MAP2K5: variants seen among roughly 807,000 people sequenced by gnomAD.
MAP2K5 encodes the protein dual specificity mitogen-activated protein kinase kinase 5.
MAP2K5 carries 49 observed loss-of-function variants against 83.1 expected under a neutral mutation model. That is an observed-to-expected ratio of 0.59 (90% CI 0.47 to 0.75). The LOEUF is 0.75. Ranked by LOEUF, MAP2K5 falls within the 30% of genes least tolerant of loss-of-function variation. MAP2K5 has a pLI of 0.00. For synonymous variants in MAP2K5, 202 were observed against 191.8 expected, an observed-to-expected ratio of 1.05 and a Z score of -0.44; for missense variants, 457 against 557.5, an observed-to-expected ratio of 0.82 and a Z score of 1.82.
chr15:67,665,917 T>A lies in MAP2K5; in HGVS notation c.847+1272T>A, dbSNP rs2087365508. Among the ~76,000 whole-genome samples the A allele has an allele frequency of 6.6e-6, 1 of 152,148 alleles. No individual in the cohort carries two copies. The highest frequency in any genetic ancestry group is 6.5e-5 in the Admixed American group (1 of 15,268). On this transcript the variant is annotated intron_variant, in intron 13 of 21. Transcript: ENST00000178640. This position sits in a 1 kb window ranked among gnomAD's most constrained non-coding sequence, Gnocchi z 4.2. ...ATAACAGTATTCAACATGATATAAC[T>A]TATATTGTTTCTATTCCCTGTACTC...
At chr15:67,635,572 G>A (rs941884321) in intron 9 of MAP2K5, among the ~76,000 whole-genome samples, 4 of 152,012 alleles carry the variant, frequency 2.6e-5, no homozygotes, top group African/African-American at 9.7e-5. Context: ...TCATTCCTTT[G>A]TGTGGTTCAG....
chr15:67,649,296 C>T (rs1284392426), intron 11 of MAP2K5, among the ~76,000 whole-genome samples: 1 of 152,040 alleles, frequency 6.6e-6, no homozygotes, highest in South Asian at 2.1e-4. Flanking sequence ...TGGCTCTTAT[C>T]AGATATGGGA....
At chr15:67,694,564 A>G (rs1314500594) in intron 15 of MAP2K5, among the ~76,000 whole-genome samples, 2 of 152,164 alleles carry the variant, frequency 1.3e-5, no homozygotes, top group Admixed American at 6.5e-5. Flanking sequence ...ATGAGATACC[A>G]TCTCACACCA....
rs985475456 is a variant in MAP2K5 at position 67,555,944 on chromosome 15, C to T, written c.184+5862C>T. Among the ~76,000 whole-genome samples, 14 of 151,958 alleles carry T rather than the reference C, an allele frequency of 9.2e-5. No homozygotes were observed. Among genetic ancestry groups the T allele is most frequent in the African/African-American group, 3.1e-4 (13 of 41,358 alleles). Reference sequence around the variant, plus strand: ...GACTACAGGCATGCGCCACCACACCCGGCTAATTTTTTTGTATTTTTAGTA... The same window carrying T: ...GACTACAGGCATGCGCCACCACACCTGGCTAATTTTTTTGTATTTTTAGTA... On this transcript the variant is annotated intron_variant, in intron 2 of 21. Coordinates refer to ENST00000178640, the MANE Select transcript of MAP2K5 (RefSeq NM_145160.3). The surrounding 1 kb of genome is among the most constrained non-coding windows in gnomAD (Gnocchi z 5.2).
At chr15:67,667,848 G>A (rs1044676388) in intron 13 of MAP2K5, among the ~76,000 whole-genome samples, 13 of 152,106 alleles carry the variant, frequency 8.5e-5, no homozygotes, top group Admixed American at 3.3e-4. Context: ...TTTATTAAAC[G>A]TAGTTAATGG....
In MAP2K5 at chr15:67,592,118, C is replaced by CAAAAAAAAAAAAA. The variant is rs71142384; in HGVS notation, c.432-803_432-791dup. On this transcript the variant is annotated intron_variant, in intron 6 of 21. Coordinates refer to ENST00000178640, the MANE Select transcript of MAP2K5 (RefSeq NM_145160.3). ...GGGCAACAAGAGTGAAACTATGTCT[C>CAAAAAAAAAAAAA]AAAAAAAAAAAAAAAAAGGACTTTC... Among the ~76,000 whole-genome samples the CAAAAAAAAAAAAA allele has an allele frequency of 1.2e-4, 14 of 117,994 alleles. 7 individuals carry two copies. Among genetic ancestry groups the CAAAAAAAAAAAAA allele is most frequent in the Non-Finnish European group, 1.7e-4 (10 of 59,054 alleles). The allele number at this position is 117,994 out of a possible 152,430, so 77.4% of individuals were successfully genotyped here. A position where few individuals can be genotyped will look rare whatever the true frequency, so the allele number is the denominator to read the frequency against.
chr15:67,805,606 G>C (rs1042552885), intron 21 of MAP2K5, among the ~76,000 whole-genome samples: 1 of 152,168 alleles, frequency 6.6e-6, no homozygotes, highest in African/African-American at 2.4e-5. Context: ...GAGAGAGCTG[G>C]GGGGAGCGAG....
chr15:67,655,662 A>G (rs569836852), intron 11 of MAP2K5, among the ~76,000 whole-genome samples: 3 of 152,138 alleles, frequency 2.0e-5, no homozygotes, highest in East Asian at 3.9e-4. Context: ...TTGGCTATGG[A>G]TAGTTTGATA....
At chr15:67,585,064 C>G (rs2085260575) in intron 4 of MAP2K5, among the ~76,000 whole-genome samples, 2 of 107,386 alleles carry the variant, frequency 1.9e-5, no homozygotes, top group Admixed American at 2.4e-4. Flanking sequence ...ACATGTACAT[C>G]TGAGAGAGGA....
At chr15:67,685,251 G>A (rs1238462625) in intron 13 of MAP2K5, among the ~76,000 whole-genome samples, 1 of 152,184 alleles carries the variant, frequency 6.6e-6, no homozygotes, top group Non-Finnish European at 1.5e-5. Flanking sequence ...AAGATTGACA[G>A]CCGACTTCAT....
Position 67,693,509 on chromosome 15 carries a change from G to C in MAP2K5, c.922-9G>C. The C allele has an allele frequency of 1.2e-6, 2 of 1,607,500 alleles. No homozygotes were observed. Among genetic ancestry groups the C allele is most frequent in the Non-Finnish European group, 1.7e-6 (2 of 1,175,558 alleles). ...TTATATTGTTCTAACAGACTGTTTT[G>C]TCTCATAGCTGGTGAATTCTATAGC... On this transcript the variant is annotated splice_polypyrimidine_tract_variant and intron_variant, in intron 14 of 21. Coordinates refer to ENST00000178640, the MANE Select transcript of MAP2K5 (RefSeq NM_145160.3).
At chr15:67,714,405 G>T (rs2088776976) in intron 16 of MAP2K5, among the ~76,000 whole-genome samples, 1 of 78,266 alleles carries the variant, frequency 1.3e-5, no homozygotes, top group Non-Finnish European at 2.2e-5. Context: ...CCCCTACCCA[G>T]CTGCCAGGGA....
chr15:67,637,578 G>C lies in MAP2K5; in HGVS notation c.585+6651G>C, dbSNP rs2086629011. Among the ~76,000 whole-genome samples, 1 of 152,112 alleles carries C rather than the reference G, an allele frequency of 6.6e-6. No homozygotes were observed. The highest frequency in any genetic ancestry group is 1.5e-5 in the Non-Finnish European group (1 of 68,012). ...TCTAGTGGTTCTCTCCCTGGCCTCA[G>C]GTGATCTCCTGACATCTATGTACAG... On this transcript the variant is annotated intron_variant, in intron 9 of 21. Transcript: ENST00000178640. This position sits in a 1 kb window ranked among gnomAD's most constrained non-coding sequence, Gnocchi z 4.5.
rs1263566810 is a variant in MAP2K5, at chr15:67,782,215, A to T, written c.1242+9463A>T. Among the ~76,000 whole-genome samples, 1 of 152,244 alleles carries T rather than the reference A, an allele frequency of 6.6e-6. No homozygotes were observed. Among genetic ancestry groups the T allele is most frequent in the African/African-American group, 2.4e-5 (1 of 41,476 alleles). ...CCGCCTCTGCGGTTTCAATAATTTT[A>T]AGAGCCCCCAAAACCTGTTGAGGAT... On this transcript the variant is annotated intron_variant, in intron 21 of 21. Coordinates refer to ENST00000178640, the MANE Select transcript of MAP2K5 (RefSeq NM_145160.3). This position sits in a 1 kb window ranked among gnomAD's most constrained non-coding sequence, Gnocchi z 4.9.
At chr15:67,645,012 G>C (rs1397653019) in intron 9 of MAP2K5, among the ~76,000 whole-genome samples, 1 of 151,684 alleles carries the variant, frequency 6.6e-6, no homozygotes, top group African/African-American at 2.4e-5. Context: ...GCCAGGTGTG[G>C]TGGCAGACAC....
intron 17 of MAP2K5, among the ~76,000 whole-genome samples, chr15:67,745,648 G>C (rs1428103964): frequency 6.6e-6 from 1 of 152,144 alleles, no homozygotes; most frequent in Non-Finnish European, 1.5e-5. Flanking sequence ...AATTAACAGA[G>C]GAACATAATA....
intron 3 of MAP2K5, among the ~76,000 whole-genome samples, chr15:67,574,177 G>A (rs1006848557): frequency 2.0e-5 from 3 of 152,194 alleles, no homozygotes; most frequent in Admixed American, 6.5e-5. Context: ...TTTATGAAGC[G>A]TGGAAGCCAC....
At chr15:67,707,773 G>C (rs527279016) in intron 16 of MAP2K5, among the ~76,000 whole-genome samples, 1 of 152,192 alleles carries the variant, frequency 6.6e-6, no homozygotes, top group Non-Finnish European at 1.5e-5. Context: ...AGAGGGAAAA[G>C]ATAGAGGATC....
At chr15:67,569,033 C>A (rs56877523) in intron 3 of MAP2K5, among the ~76,000 whole-genome samples, 2,544 of 134,106 alleles carry the variant, frequency 0.019, 84 homozygotes, top group African/African-American at 0.061. Flanking sequence ...AAAAAAAAAA[C>A]AAAACTCTGT....
Sources: gnomAD v4.1 joint callset for allele counts (sites outside exome capture counted in the v4.1 genomes callset) on GRCh38, gnomAD v4.1.1 for gene constraint, Gnocchi (gnomAD v3.1) non-coding constraint, MANE v1.5 for transcripts, NCBI Gene and HGNC (gene_info 2026-07-23, HGNC 2026-07-21) for gene names.